RDX: variants seen among roughly 807,000 people sequenced by gnomAD.
The protein encoded by RDX is radixin.
RDX carries 32 observed loss-of-function variants against 83.7 expected under a neutral mutation model. The observed-to-expected ratio is 0.38, with a 90% confidence interval of 0.29 to 0.51. The LOEUF (loss-of-function observed/expected upper bound fraction) is 0.51, where lower values mean the gene tolerates loss of function less well. Among genes scored for constraint, RDX ranks in the 20% least tolerant of loss-of-function variants. The pLI, the probability that RDX is intolerant of heterozygous loss-of-function variation, is 0.87. For synonymous variants in RDX, 229 were observed against 222.7 expected, an observed-to-expected ratio of 1.03 and a Z score of -0.25; for missense variants, 600 against 689.9, an observed-to-expected ratio of 0.87 and a Z score of 1.46.
chr11:110,224,806 T>C (rs1864378449), downstream of RDX, among the ~76,000 whole-genome samples: 4 of 152,366 alleles, frequency 2.6e-5, no homozygotes, highest in Middle Eastern at 0.01. Flanking sequence ...ATTCATTCCA[T>C]GGCCACGGCC....
Position 110,244,363 on chromosome 11 carries a change from CAAAAAAAAAAAAA to C in RDX, c.1090+3327_1090+3339del, listed in dbSNP as rs71053874. On this transcript the variant is annotated intron_variant, in intron 10 of 13. Transcript: ENST00000645495. ...GGGGCAACAGAGTGAGATTCTGGCT[CAAAAAAAAAAAAA>C]AAAAAAAAAAAAGAGAGTGGAGTGC... Among the ~76,000 whole-genome samples the C allele has an allele frequency of 9.7e-5, 5 of 51,292 alleles. No homozygotes were observed. The Admixed American group carries it at 1.4e-3, about 14-fold the overall frequency. 33.6% of individuals were successfully genotyped at this position (51,292 alleles called of 152,430 possible).
intron 2 of RDX, 105 bp downstream of exon 2, chr11:110,279,576 C>A (rs780323031): frequency 3.9e-6 from 3 of 774,960 alleles, no homozygotes; most frequent in South Asian, 1.5e-5. Flanking sequence ...AGTATCAGTG[C>A]CTTTTTCTTC....
intron 12 of RDX, among the ~76,000 whole-genome samples, chr11:110,235,183 T>C (rs1864794512): frequency 6.6e-6 from 1 of 152,032 alleles, no homozygotes; most frequent in African/African-American, 2.4e-5. Context: ...AAGACCTCCA[T>C]TCTCAACAAA....
At chr11:110,296,217 C>A (rs1158308572) in intron 1 of RDX, among the ~76,000 whole-genome samples, 3 of 152,042 alleles carry the variant, frequency 2.0e-5, no homozygotes, top group Non-Finnish European at 4.4e-5. Context: ...CGGCCAGGCA[C>A]GTTCGGGCCG....
intron 1 of RDX, among the ~76,000 whole-genome samples, chr11:110,292,622 T>C (rs1235762738): frequency 6.6e-6 from 1 of 152,026 alleles, no homozygotes; most frequent in East Asian, 1.9e-4. Flanking sequence ...CAGTCAGTCC[T>C]AGTTGACTTA....
At chr11:110,295,347 A>G (rs1861404599) in intron 1 of RDX, among the ~76,000 whole-genome samples, 1 of 151,806 alleles carries the variant, frequency 6.6e-6, no homozygotes, top group Non-Finnish European at 1.5e-5. Flanking sequence ...TCCTTAAACA[A>G]TAGATTACAA....
intron 11 of RDX, 51 bp from the exon 12 acceptor site, chr11:110,236,242 C>A: frequency 7.1e-7 from 1 of 1,413,074 alleles, no homozygotes; most frequent in South Asian, 1.2e-5. Context: ...TTTGAATAAT[C>A]TTATAAGTCA....
intron 14 of RDX, among the ~76,000 whole-genome samples, chr11:110,216,556 T>A (rs866395217): frequency 6.7e-6 from 1 of 149,482 alleles, no homozygotes; most frequent in East Asian, 2.0e-4. Flanking sequence ...TTTTTTTTTT[T>A]AAATAGAGAG....
At chr11:110,278,212 C>G (rs1860594500) in intron 2 of RDX, among the ~76,000 whole-genome samples, 1 of 146,246 alleles carries the variant, frequency 6.8e-6, no homozygotes, top group African/African-American at 2.6e-5. Flanking sequence ...ACCTTGAAAT[C>G]CAGGAGTGTA....
rs186091525 is a variant in RDX at position 110,274,254 on chromosome 11, G to A, written c.13-1635C>T. On this transcript the variant is annotated intron_variant, in intron 2 of 13. Transcript: ENST00000645495. ...ACCATCCAACTGAATAACAAGAAAT[G>A]GTAAATAATGTTGCATATACCACTG... 7.8e-4 allele frequency among the ~76,000 whole-genome samples: 119 copies of A among 151,998 alleles called. 1 individual carries two copies. Among genetic ancestry groups the A allele is most frequent in the African/African-American group, 2.7e-3 (111 of 41,470 alleles).
intron 1 of RDX, among the ~76,000 whole-genome samples, chr11:110,294,556 A>G (rs1014917966): frequency 1.3e-5 from 2 of 152,176 alleles, no homozygotes; most frequent in African/African-American, 2.4e-5. Context: ...AAAAAATCCA[A>G]TTCTGCTTTT....
intron 1 of RDX, among the ~76,000 whole-genome samples, chr11:110,295,413 T>C (rs1214640361): frequency 6.6e-6 from 1 of 151,968 alleles, no homozygotes; most frequent in East Asian, 1.9e-4. Flanking sequence ...TAGACTTTTA[T>C]ATTTACATCC....
intron 14 of RDX, among the ~76,000 whole-genome samples, chr11:110,217,101 CAG>C (rs906357033): frequency 5.9e-5 from 9 of 152,200 alleles, no homozygotes; most frequent in Non-Finnish European, 7.3e-5. Context: ...TTGATTTAAA[CAG>C]AGGAACAAGA....
At chr11:110,227,083 T>C (rs77237942), downstream of RDX, among the ~76,000 whole-genome samples, 377 of 152,212 alleles carry the variant, frequency 2.5e-3, 2 homozygotes, top group African/African-American at 8.7e-3. Flanking sequence ...CTTTTCAATA[T>C]ATATAAAAGG....
intron 1 of RDX, among the ~76,000 whole-genome samples, chr11:110,283,675 C>T (rs1403565666): frequency 6.6e-6 from 1 of 151,762 alleles, no homozygotes. Flanking sequence ...GCCTGGAAAA[C>T]ATAGCAAGAC....
intron 7 of RDX, among the ~76,000 whole-genome samples, chr11:110,257,404 T>C (rs944605238): frequency 1.3e-5 from 2 of 152,134 alleles, no homozygotes; most frequent in Non-Finnish European, 2.9e-5. Context: ...TTCTTATGTA[T>C]GTTCAATTTC....
At chr11:110,273,190 A>T in intron 2 of RDX, 1 of 422,912 alleles carries the variant, frequency 2.4e-6, no homozygotes, top group African/African-American at 2.0e-5. Flanking sequence ...TTCAGCCTGC[A>T]CAACAGAGCA....
chr11:110,182,353 G>C (rs950473594), intron 15 of RDX, among the ~76,000 whole-genome samples: 2 of 152,208 alleles, frequency 1.3e-5, no homozygotes, highest in Non-Finnish European at 2.9e-5. Context: ...TGTAATCCCA[G>C]CACTTTGGGA....
chr11:110,223,055 A>C (rs778085694), intron 14 of RDX, among the ~76,000 whole-genome samples: 1 of 152,136 alleles, frequency 6.6e-6, no homozygotes, highest in African/African-American at 2.4e-5. Context: ...TGCTTTAAAA[A>C]TACACAAATT....
Sources: allele counts gnomAD v4.1 joint callset (sites outside exome capture counted in the v4.1 genomes callset), GRCh38; gene constraint gnomAD v4.1.1; transcripts MANE v1.5; gene names NCBI Gene and HGNC (gene_info 2026-07-23, HGNC 2026-07-21).